MGAT4C: variants seen among roughly 807,000 people sequenced by gnomAD.
The protein encoded by MGAT4C is MGAT4 family member C.
A neutral mutation model predicts 40.1 loss-of-function variants in MGAT4C; 19 were observed. The observed-to-expected ratio is 0.47, with a 90% CI of 0.33 to 0.70. MGAT4C has a LOEUF of 0.70. Among genes scored for constraint, MGAT4C ranks in the 30% least tolerant of loss-of-function variants. MGAT4C has a pLI of 0.02. For synonymous variants in MGAT4C, 181 were observed against 187.1 expected, an observed-to-expected ratio of 0.97 and a Z score of 0.27; for missense variants, 491 against 563.2, an observed-to-expected ratio of 0.87 and a Z score of 1.30.
chr12:86,235,297 C>G (rs1371788228), intron 1 of MGAT4C, among the ~76,000 whole-genome samples: 2 of 152,036 alleles, frequency 1.3e-5, no homozygotes, highest in African/African-American at 2.4e-5. Context: ...TTTTAACATA[C>G]ACTTCACTGA....
chr12:86,525,176 G>A (rs967499884), intron 2 of MGAT4C, among the ~76,000 whole-genome samples: 3 of 152,162 alleles, frequency 2.0e-5, no homozygotes, highest in South Asian at 2.1e-4. Context: ...AATCATGGAC[G>A]CAGTTTCCTC....
At chr12:86,481,141 T>C (rs942119243) in intron 2 of MGAT4C, among the ~76,000 whole-genome samples, 1 of 152,008 alleles carries the variant, frequency 6.6e-6, no homozygotes, top group African/African-American at 2.4e-5. Context: ...CATCTATTGG[T>C]TTATAATGCT....
intron 4 of MGAT4C, among the ~76,000 whole-genome samples, chr12:86,321,518 G>A (rs11103924): frequency 0.067 from 10,194 of 152,172 alleles, 822 homozygotes; most frequent in East Asian, 0.24. Flanking sequence ...AAGAGCTAAT[G>A]AGTAAACTAA....
At chr12:86,726,971 C>A (rs566741847) in intron 2 of MGAT4C, among the ~76,000 whole-genome samples, 1 of 152,152 alleles carries the variant, frequency 6.6e-6, no homozygotes, top group South Asian at 2.1e-4. Context: ...AAAACTAAGA[C>A]GTGAATTATA....
rs567064746 is a variant in MGAT4C, at chr12:86,477,532, G to C, written c.-228-42267C>G. On this transcript the variant is annotated intron_variant, in intron 2 of 7. Coordinates refer to the MGAT4C transcript ENST00000548651. ...AGGTAACAAACGTGCACATGTACCC[G>C]CTGAAGCTGAAATAAAAGTTGAAAG... is the stretch of plus-strand genomic sequence containing the variant. 1.8e-4 allele frequency among the ~76,000 whole-genome samples: 28 copies of C among 152,030 alleles called. No homozygotes were observed. In the South Asian group the frequency reaches 5.8e-3, roughly 32 times the overall value.
intron 2 of MGAT4C, among the ~76,000 whole-genome samples, chr12:86,676,493 T>C (rs907778226): frequency 2.6e-5 from 4 of 152,110 alleles, no homozygotes; most frequent in African/African-American, 9.7e-5. Flanking sequence ...GATAGAAACA[T>C]TAGAACATAA....
At chr12:86,811,336 A>ATTTTTT (rs553885593) in intron 1 of MGAT4C, among the ~76,000 whole-genome samples, 7 of 106,946 alleles carry the variant, frequency 6.5e-5, no homozygotes, top group Non-Finnish European at 9.8e-5. Context: ...CACTCATAGT[A>ATTTTTT]TTTTTTTTTT....
chr12:86,677,277 A>G (rs564596143), intron 2 of MGAT4C, among the ~76,000 whole-genome samples: 1 of 152,258 alleles, frequency 6.6e-6, no homozygotes, highest in South Asian at 2.1e-4. Flanking sequence ...AATTTCAACC[A>G]TATTTGATGT....
chr12:86,262,441 C>A (rs187054538), intron 4 of MGAT4C, among the ~76,000 whole-genome samples: 3 of 152,172 alleles, frequency 2.0e-5, no homozygotes, highest in Admixed American at 2.0e-4. Flanking sequence ...GATCAGCTAT[C>A]CCTTTTCAAA....
rs952357221 is a variant in MGAT4C at position 86,570,653 on chromosome 12, C to T, written c.-228-135388G>A. 2.0e-5 allele frequency among the ~76,000 whole-genome samples: 3 copies of T among 152,088 alleles called. No homozygotes were observed. The South Asian group carries it at 6.2e-4, about 32-fold the overall frequency. On this transcript the variant is annotated intron_variant, in intron 2 of 7. Transcript: ENST00000548651. ...TATGTTGGTGAATTAGAAGAATATA[C>T]ATGTATGCTTCAGGACAATGGTCTA...
At chr12:86,523,472 A>G (rs1296078191) in intron 2 of MGAT4C, among the ~76,000 whole-genome samples, 1 of 152,156 alleles carries the variant, frequency 6.6e-6, no homozygotes, top group Non-Finnish European at 1.5e-5. Context: ...TTCTGATTTC[A>G]GTACTTCTGC....
rs1455489320 is a variant in MGAT4C at position 85,963,162 on chromosome 12, G to GT, written c.*16126dup. 10 of 151,848 alleles carry GT rather than the reference G, an allele frequency of 6.6e-5. No individual in the cohort carries two copies. The highest frequency in any genetic ancestry group is 2.4e-4 in the African/African-American group (10 of 41,416). The allele number at this position is 151,848 out of a possible 1,614,324, so 9.4% of individuals were successfully genotyped here. ...GTTTAATTACTTGGGTGCTTTAAAT[G>GT]TTTTTTGGAGGCTATTACAAAATCA... On this transcript the variant is annotated 3_prime_UTR_variant, in exon 5 of 5. Transcript: ENST00000611864.
chr12:86,307,805 C>T (rs1332525484), intron 4 of MGAT4C, among the ~76,000 whole-genome samples: 1 of 150,054 alleles, frequency 6.7e-6, no homozygotes, highest in Admixed American at 6.6e-5. Flanking sequence ...CGGGTTCACG[C>T]CATTCTCCTG....
chr12:86,497,936 TTATA>T (rs1958271339), intron 2 of MGAT4C, among the ~76,000 whole-genome samples: 1 of 143,078 alleles, frequency 7.0e-6, no homozygotes, highest in Non-Finnish European at 1.5e-5. Context: ...ACATATAATA[TTATA>T]TATAATATAT....
At chr12:86,506,657 C>G (rs1958477172) in intron 2 of MGAT4C, among the ~76,000 whole-genome samples, 1 of 152,058 alleles carries the variant, frequency 6.6e-6, no homozygotes, top group Non-Finnish European at 1.5e-5. Context: ...TAATAAAAAG[C>G]CCAACTTCCA....
intron 2 of MGAT4C, among the ~76,000 whole-genome samples, chr12:86,038,210 G>A (rs531160165): frequency 1.3e-5 from 2 of 149,962 alleles, no homozygotes; most frequent in African/African-American, 4.8e-5. Context: ...TGCTAGTTGA[G>A]ATAATGGGGA....
At chr12:86,132,281 A>G (rs1593026431) in intron 1 of MGAT4C, among the ~76,000 whole-genome samples, 2 of 152,208 alleles carry the variant, frequency 1.3e-5, no homozygotes, top group East Asian at 3.8e-4. Flanking sequence ...GAATGGAATG[A>G]GCAGTTACAT....
intron 1 of MGAT4C, among the ~76,000 whole-genome samples, chr12:86,230,541 G>C (rs1322906017): frequency 6.6e-6 from 1 of 152,060 alleles, no homozygotes; most frequent in Non-Finnish European, 1.5e-5. Flanking sequence ...ATCTTCCGGA[G>C]GAAACAAAAT....
At chr12:86,364,392 AT>A (rs1955547786) in intron 3 of MGAT4C, among the ~76,000 whole-genome samples, 1 of 152,122 alleles carries the variant, frequency 6.6e-6, no homozygotes, top group Non-Finnish European at 1.5e-5. Context: ...CAAGAATGTT[AT>A]TTCCTAAGTT....
Sources: allele counts gnomAD v4.1 joint callset (sites outside exome capture counted in the v4.1 genomes callset), GRCh38; gene constraint gnomAD v4.1.1; transcripts MANE v1.5; gene names NCBI Gene and HGNC (gene_info 2026-07-23, HGNC 2026-07-21).